The following EPHA5 variants were observed in gnomAD, a reference collection of about 807,000 sequenced individuals.
EPHA5 encodes the protein ephrin type-A receptor 5.
A neutral mutation model predicts 105.0 loss-of-function variants in EPHA5; 60 were observed. That is an observed-to-expected ratio of 0.57 (90% CI 0.46 to 0.71). The LOEUF (loss-of-function observed/expected upper bound fraction) is 0.71, where lower values mean the gene tolerates loss of function less well. Ranked by LOEUF, EPHA5 falls within the 30% of genes least tolerant of loss-of-function variation. EPHA5 has a pLI of 0.00. For missense variants in EPHA5, 1,218 were observed against 1,274.7 expected, an observed-to-expected ratio of 0.96 and a Z score of 0.68; for synonymous variants, 513 against 449.1, an observed-to-expected ratio of 1.14 and a Z score of -1.80.
intron 14 of EPHA5, among the ~76,000 whole-genome samples, chr4:65,336,821 C>T (rs1443528767): frequency 6.6e-6 from 1 of 151,976 alleles, no homozygotes; most frequent in South Asian, 2.1e-4. Flanking sequence ...AATGTTGCTG[C>T]CCACATCAAA....
At chr4:65,547,240 C>T (rs1269365523) in intron 3 of EPHA5, among the ~76,000 whole-genome samples, 3 of 150,422 alleles carry the variant, frequency 2.0e-5, no homozygotes, top group African/African-American at 4.9e-5. Flanking sequence ...GACTTCCCTG[C>T]TACCTGCAGT....
chr4:65,379,206 AAAT>A (rs75208506), intron 8 of EPHA5, among the ~76,000 whole-genome samples: 55 of 151,824 alleles, frequency 3.6e-4, no homozygotes, highest in East Asian at 5.8e-4. Context: ...ACAATTCTAA[AAAT>A]AATAACATTT....
At chr4:65,541,462 C>A (rs1051141337) in intron 3 of EPHA5, among the ~76,000 whole-genome samples, 1 of 151,296 alleles carries the variant, frequency 6.6e-6, no homozygotes, top group Non-Finnish European at 1.5e-5. Flanking sequence ...TAGTCTCTGA[C>A]AAAACAGACT....
At position 65,336,130 on chromosome 4, in the gene EPHA5, A is replaced by G; in HGVS notation, c.2596-5T>C. On this transcript the variant is annotated splice_region_variant and splice_polypyrimidine_tract_variant and intron_variant, in intron 14 of 16. Transcript: ENST00000613740. The stretch of plus-strand genomic sequence containing the variant: ...TTCCTCTACCGCTTTAATCACCTGT[A>G]TAAAGCAAAACAGAACCAGCACCCC... 1 of 1,594,720 alleles carries G rather than the reference A, an allele frequency of 6.3e-7. No homozygotes were observed. The highest frequency in any genetic ancestry group is 8.5e-7 in the Non-Finnish European group (1 of 1,170,152).
intron 5 of EPHA5, among the ~76,000 whole-genome samples, chr4:65,445,706 A>G (rs901580148): frequency 6.6e-6 from 1 of 152,138 alleles, no homozygotes; most frequent in Non-Finnish European, 1.5e-5. Flanking sequence ...GATTACACTT[A>G]CTACATTCAT....
intron 5 of EPHA5, among the ~76,000 whole-genome samples, chr4:65,462,120 G>A (rs1452524566): frequency 1.3e-5 from 2 of 151,950 alleles, no homozygotes; most frequent in South Asian, 2.1e-4. Context: ...TTTAGGAATC[G>A]TCTGTGTTGA....
chr4:65,465,466 AAAAAGAAAGAAAGAAAG>A (rs1728540556), intron 5 of EPHA5, among the ~76,000 whole-genome samples: 1 of 16,202 alleles, frequency 6.2e-5, no homozygotes, highest in African/African-American at 1.4e-4. Flanking sequence ...GAAAAGAAAG[AAAAAGAAAGAAAGAAAG>A]AAAGAAAGAA....
At chr4:65,437,927 T>C (rs1369978748) in intron 5 of EPHA5, among the ~76,000 whole-genome samples, 2 of 152,022 alleles carry the variant, frequency 1.3e-5, no homozygotes, top group Non-Finnish European at 2.9e-5. Context: ...TTTTTCTCTG[T>C]CCTATGGTGT....
At chr4:65,458,888 G>A (rs190342925) in intron 5 of EPHA5, among the ~76,000 whole-genome samples, 43 of 151,964 alleles carry the variant, frequency 2.8e-4, no homozygotes, top group Admixed American at 4.6e-4. Context: ...GATGAATATC[G>A]TCATTAAGAA....
Position 65,345,549 on chromosome 4 carries a change from A to G in EPHA5, c.2595+2505T>C, listed in dbSNP as rs115480675. 7.1e-3 allele frequency among the ~76,000 whole-genome samples: 1,076 copies of G among 152,326 alleles called. 9 individuals carry two copies. The highest frequency in any genetic ancestry group is 0.025 in the African/African-American group (1,021 of 41,578). On this transcript the variant is annotated intron_variant, in intron 14 of 16. Transcript: ENST00000613740. ...TAAAGTGGACACAGCTGGAACAGTA[A>G]GAGACTGTCAGATGGGGAACAGACA...
rs1719669799 is a variant in EPHA5, at chr4:65,321,945, A to G, written c.*2169T>C. 1 of 226,036 alleles carries G rather than the reference A, an allele frequency of 4.4e-6. No homozygotes were observed. Among genetic ancestry groups the G allele is most frequent in the African/African-American group, 2.2e-5 (1 of 44,950 alleles). 14.0% of individuals were successfully genotyped at this position (226,036 alleles called of 1,614,324 possible). ...ATCACTTAGATTGGAATATTTCTAT[A>G]AAATTCAATAAAGTGCCACATAATC... On this transcript the variant is annotated 3_prime_UTR_variant, in exon 17 of 17. Coordinates refer to ENST00000613740, the MANE Select transcript of EPHA5 (RefSeq NM_001281766.3).
chr4:65,415,305 G>C (rs971603607), intron 6 of EPHA5, among the ~76,000 whole-genome samples: 2 of 151,960 alleles, frequency 1.3e-5, no homozygotes, highest in Admixed American at 1.3e-4. Context: ...ACTTGCTTGG[G>C]TTTCCTCACA....
intron 4 of EPHA5, among the ~76,000 whole-genome samples, chr4:65,493,383 T>C (rs887266123): frequency 2.0e-5 from 3 of 148,720 alleles, no homozygotes; most frequent in Non-Finnish European, 4.5e-5. Context: ...TTTAAAAACT[T>C]TGTATATTCT....
At chr4:65,381,129 T>A (rs1034327251) in intron 8 of EPHA5, among the ~76,000 whole-genome samples, 2 of 150,922 alleles carry the variant, frequency 1.3e-5, no homozygotes, top group Non-Finnish European at 2.9e-5. Context: ...ATTAAGACAG[T>A]CTTAGGGCAA....
chr4:65,488,607 G>A (rs1008910938), intron 5 of EPHA5, among the ~76,000 whole-genome samples: 2 of 152,102 alleles, frequency 1.3e-5, no homozygotes, highest in Non-Finnish European at 2.9e-5. Context: ...TTCCTGTCCA[G>A]CTCTTTAGCA....
At chr4:65,464,527 A>C (rs186153212) in intron 5 of EPHA5, among the ~76,000 whole-genome samples, 1 of 152,242 alleles carries the variant, frequency 6.6e-6, no homozygotes, top group Admixed American at 6.5e-5. Context: ...GCCTAACAGT[A>C]ATTTTGATGT....
intron 8 of EPHA5, among the ~76,000 whole-genome samples, chr4:65,392,694 T>G (rs1720840166): frequency 6.6e-6 from 1 of 152,118 alleles, no homozygotes; most frequent in Non-Finnish European, 1.5e-5. Context: ...AGGATTATAT[T>G]TGTTTATTTA....
intron 2 of EPHA5, among the ~76,000 whole-genome samples, chr4:65,628,697 T>C (rs947788798): frequency 5.3e-5 from 8 of 152,166 alleles, no homozygotes; most frequent in African/African-American, 1.9e-4. Context: ...GAAGTGACTA[T>C]ATTTCAGGAT....
chr4:65,405,525 G>A (rs1335751695), intron 7 of EPHA5, among the ~76,000 whole-genome samples: 1 of 152,088 alleles, frequency 6.6e-6, no homozygotes, highest in East Asian at 1.9e-4. Flanking sequence ...TTCTATTTTA[G>A]TCACATTGTT....
Sources: allele counts gnomAD v4.1 joint callset (sites outside exome capture counted in the v4.1 genomes callset), GRCh38; gene constraint gnomAD v4.1.1; transcripts MANE v1.5; gene names NCBI Gene and HGNC (gene_info 2026-07-23, HGNC 2026-07-21).